SNX7: variants seen among roughly 807,000 people sequenced by gnomAD.
The protein encoded by SNX7 is sorting nexin 7.
In SNX7, 35 loss-of-function variants were observed where a neutral mutation model predicts 48.4. The ratio of observed to expected loss-of-function variants is 0.72; its 90% CI spans 0.55 to 0.96. The LOEUF (loss-of-function observed/expected upper bound fraction) is 0.96. SNX7 is among the 40% of genes least tolerant of loss of function. The pLI is 0.00. For missense variants in SNX7, 553 were observed against 548.9 expected, an observed-to-expected ratio of 1.01 and a Z score of -0.07; for synonymous variants, 190 against 190.2, an observed-to-expected ratio of 1.00 and a Z score of 0.01.
At chr1:98,713,685 G>A (rs1425228907) in intron 7 of SNX7, among the ~76,000 whole-genome samples, 2 of 152,112 alleles carry the variant, frequency 1.3e-5, no homozygotes, top group Admixed American at 6.5e-5. Context: ...CCATTGTAGG[G>A]TTATTAATTG....
At chr1:98,722,499 A>G (rs535599418) in intron 7 of SNX7, among the ~76,000 whole-genome samples, 72 of 152,240 alleles carry the variant, frequency 4.7e-4, no homozygotes, top group African/African-American at 1.7e-3. Flanking sequence ...AGAATTTTCT[A>G]TTGTCTTCTG....
intron 7 of SNX7, among the ~76,000 whole-genome samples, chr1:98,724,170 G>A (rs141121186): frequency 5.6e-4 from 85 of 152,126 alleles, no homozygotes; most frequent in African/African-American, 2.0e-3. Flanking sequence ...ATGATTTTCT[G>A]TGTCTACTCA....
At chr1:98,663,252 GGTTTTTTTTTTTTTTTTTTTTTTTTTT>G (rs1349179811) in intron 1 of SNX7, among the ~76,000 whole-genome samples, 17 of 83,158 alleles carry the variant, frequency 2.0e-4, no homozygotes, top group Non-Finnish European at 3.6e-4. Context: ...GTTTCTTTCT[GGTTTTTTTTTTTTTTTTTTTTTTTTTT>G]TTTTTTTTTT....
chr1:98,721,345 G>A (rs1294912337), intron 7 of SNX7, among the ~76,000 whole-genome samples: 2 of 152,072 alleles, frequency 1.3e-5, no homozygotes, highest in Admixed American at 6.6e-5. Context: ...TATAAACTGT[G>A]CACGTAAGTA....
intron 8 of SNX7, among the ~76,000 whole-genome samples, chr1:98,758,871 A>G (rs1654982922): frequency 1.3e-5 from 2 of 152,036 alleles, no homozygotes. Flanking sequence ...TATGAAAATC[A>G]GATTTGACAT....
At chr1:98,755,715 C>T (rs969435195) in intron 8 of SNX7, among the ~76,000 whole-genome samples, 3 of 152,054 alleles carry the variant, frequency 2.0e-5, no homozygotes, top group South Asian at 2.1e-4. Context: ...CCTCCCACCT[C>T]GACCACCCAA....
intron 8 of SNX7, among the ~76,000 whole-genome samples, chr1:98,743,413 G>C (rs978440010): frequency 1.3e-5 from 2 of 151,790 alleles, no homozygotes; most frequent in Non-Finnish European, 2.9e-5. Context: ...CTGAATAAAA[G>C]GTTCTACTCT....
chr1:98,708,855 A>G (rs1557812332), intron 7 of SNX7, among the ~76,000 whole-genome samples: 1 of 152,188 alleles, frequency 6.6e-6, no homozygotes, highest in Non-Finnish European at 1.5e-5. Context: ...CTACCTTATG[A>G]ATAGGAGTCT....
At chr1:98,756,076 C>T (rs1389852463) in intron 8 of SNX7, among the ~76,000 whole-genome samples, 1 of 151,806 alleles carries the variant, frequency 6.6e-6, no homozygotes, top group Non-Finnish European at 1.5e-5. Flanking sequence ...AGATGTAACT[C>T]TTTTGTATTA....
At chr1:98,750,224 A>C (rs1245630422) in intron 8 of SNX7, among the ~76,000 whole-genome samples, 1 of 152,018 alleles carries the variant, frequency 6.6e-6, no homozygotes, top group Non-Finnish European at 1.5e-5. Context: ...GAATGAAAGT[A>C]AATTTTCTAT....
chr1:98,708,598 G>A (rs566796801), intron 7 of SNX7, among the ~76,000 whole-genome samples: 19 of 152,218 alleles, frequency 1.2e-4, no homozygotes, highest in African/African-American at 4.3e-4. Flanking sequence ...CAGCTGGCGG[G>A]GAATTTGGAA....
intron 8 of SNX7, among the ~76,000 whole-genome samples, chr1:98,747,012 G>GA (rs1283987081): frequency 2.0e-5 from 3 of 151,726 alleles, no homozygotes; most frequent in Admixed American, 6.6e-5. Context: ...AATTAATTTT[G>GA]AAAAAAACTT....
At chr1:98,665,886 A>C (rs1405139192) in intron 1 of SNX7, among the ~76,000 whole-genome samples, 2 of 152,176 alleles carry the variant, frequency 1.3e-5, no homozygotes, top group South Asian at 4.1e-4. Flanking sequence ...CACCGTGCCC[A>C]GCTGAAAAGT....
Position 98,760,336 on chromosome 1 carries a change from A to T in SNX7, c.*205A>T, listed in dbSNP as rs975472683. ...TCTGTATGGATATATATCTATATGT[A>T]TATAGATATATAAATACAGAGAGAT... On this transcript the variant is annotated 3_prime_UTR_variant, in exon 9 of 9. Coordinates refer to ENST00000306121, the MANE Select transcript of SNX7 (RefSeq NM_015976.5). 4.8e-5 allele frequency: 20 copies of T among 418,262 alleles called. No homozygotes were observed. Among genetic ancestry groups the T allele is most frequent in the African/African-American group, 4.0e-4 (20 of 50,166 alleles). The allele number at this position is 418,262 out of a possible 1,614,324, so 25.9% of individuals were successfully genotyped here. A position where few individuals can be genotyped will look rare whatever the true frequency, so the allele number is the denominator to read the frequency against.
chr1:98,680,006 C>T (rs753804171), intron 1 of SNX7, among the ~76,000 whole-genome samples: 10 of 152,188 alleles, frequency 6.6e-5, no homozygotes, highest in Admixed American at 1.3e-4. Context: ...CCCCACATTT[C>T]CCTTTTGTAC....
At chr1:98,712,873 C>G (rs1047942520) in intron 7 of SNX7, among the ~76,000 whole-genome samples, 5 of 152,106 alleles carry the variant, frequency 3.3e-5, no homozygotes, top group African/African-American at 1.2e-4. Context: ...GGGCACATCA[C>G]CTGAGGTTGG....
At chr1:98,738,050 C>G (rs1174627605) in intron 7 of SNX7, among the ~76,000 whole-genome samples, 187 bp from the exon 8 acceptor site, 1 of 152,136 alleles carries the variant, frequency 6.6e-6, no homozygotes, top group Non-Finnish European at 1.5e-5. Flanking sequence ...CTCTACAACC[C>G]TGACTCAACC....
At chr1:98,750,612 T>C (rs1254516787) in intron 8 of SNX7, among the ~76,000 whole-genome samples, 1 of 152,036 alleles carries the variant, frequency 6.6e-6, no homozygotes, top group Non-Finnish European at 1.5e-5. Context: ...AGCATATGCC[T>C]TAAGCCACTA....
At chr1:98,730,913 C>G (rs956049930) in intron 7 of SNX7, among the ~76,000 whole-genome samples, 27 of 152,008 alleles carry the variant, frequency 1.8e-4, no homozygotes, top group Non-Finnish European at 3.2e-4. Context: ...AACAGAAAAC[C>G]AAACACCACA....
Sources: gnomAD v4.1 joint callset for allele counts (sites outside exome capture counted in the v4.1 genomes callset) on GRCh38, gnomAD v4.1.1 for gene constraint, MANE v1.5 for transcripts, NCBI Gene and HGNC (gene_info 2026-07-23, HGNC 2026-07-21) for gene names.